KIAA1217: variants seen among roughly 807,000 people sequenced by gnomAD.
KIAA1217 encodes the protein sickle tail protein homolog.
A neutral mutation model predicts 163.9 loss-of-function variants in KIAA1217; 88 were observed. The observed-to-expected ratio is 0.54, with a 90% CI of 0.45 to 0.64. The LOEUF is 0.64. KIAA1217 is among the 30% of genes least tolerant of loss of function. The pLI, the probability that KIAA1217 is intolerant of heterozygous loss-of-function variation, is 0.00. For missense variants in KIAA1217, 2,372 were observed against 2,475.0 expected (o/e 0.96, Z 0.88); for synonymous variants, 903 against 923.1 (o/e 0.98, Z 0.39).
intron 1 of KIAA1217, among the ~76,000 whole-genome samples, chr10:23,934,071 A>G (rs1286555271): frequency 6.6e-6 from 1 of 152,180 alleles, no homozygotes; most frequent in Non-Finnish European, 1.5e-5. Context: ...TCATTCTACT[A>G]TAAAAACAGA....
chr10:23,934,853 G>A (rs766503484), intron 1 of KIAA1217, among the ~76,000 whole-genome samples: 62 of 151,276 alleles, frequency 4.1e-4, no homozygotes, highest in Non-Finnish European at 5.9e-5. Flanking sequence ...TCCTGACCTC[G>A]TGATCCGCCC....
chr10:24,078,823 C>T (rs754799375), intron 2 of KIAA1217, among the ~76,000 whole-genome samples: 6 of 152,152 alleles, frequency 3.9e-5, no homozygotes, highest in East Asian at 1.9e-4. Flanking sequence ...TTCTGTGGCC[C>T]GTCTGTTCTT....
At chr10:23,769,104 G>A (rs1564404581) in intron 1 of KIAA1217, among the ~76,000 whole-genome samples, 1 of 152,184 alleles carries the variant, frequency 6.6e-6, no homozygotes, top group Non-Finnish European at 1.5e-5. Context: ...GAGTTTTATT[G>A]TTACTCAAAT....
intron 2 of KIAA1217, among the ~76,000 whole-genome samples, chr10:24,203,562 A>C (rs1589888418): frequency 1.3e-4 from 19 of 144,110 alleles, no homozygotes; most frequent in African/African-American, 1.8e-4. Context: ...CTACCCCCCA[A>C]CCCCCACCTC....
intron 3 of KIAA1217, among the ~76,000 whole-genome samples, chr10:24,403,272 C>G (rs2056793206): frequency 6.6e-6 from 1 of 152,036 alleles, no homozygotes; most frequent in South Asian, 2.1e-4. Flanking sequence ...AAGTTTTGCT[C>G]TTGTTGCCCA....
intron 1 of KIAA1217, among the ~76,000 whole-genome samples, chr10:23,735,105 G>T (rs547138467): frequency 6.6e-6 from 1 of 152,028 alleles, no homozygotes; most frequent in East Asian, 1.9e-4. Context: ...TATTGCTATA[G>T]GTGTCTGTGT....
At chr10:24,422,583 C>A (rs2058821510) in intron 3 of KIAA1217, among the ~76,000 whole-genome samples, 1 of 152,120 alleles carries the variant, frequency 6.6e-6, no homozygotes, top group African/African-American at 2.4e-5. Context: ...GACAAGAAGA[C>A]CTATTTGGAA....
intron 2 of KIAA1217, among the ~76,000 whole-genome samples, chr10:24,293,984 G>T (rs1156310656): frequency 6.6e-6 from 1 of 152,070 alleles, no homozygotes; most frequent in Non-Finnish European, 1.5e-5. Context: ...ACGAGGTCAG[G>T]AGATGGAGAC....
At chr10:24,140,423 C>T (rs941570838) in intron 2 of KIAA1217, among the ~76,000 whole-genome samples, 9 of 150,810 alleles carry the variant, frequency 6.0e-5, no homozygotes, top group African/African-American at 2.0e-4. Flanking sequence ...TTGTCAGCAA[C>T]ACTTTTCCTG....
intron 2 of KIAA1217, among the ~76,000 whole-genome samples, chr10:24,181,255 G>C (rs975323649): frequency 6.6e-6 from 1 of 152,232 alleles, no homozygotes; most frequent in African/African-American, 2.4e-5. Flanking sequence ...AATCTGGCAA[G>C]TGCAGGTATC....
chr10:24,494,704 T>A, intron 7 of KIAA1217, 100 bp downstream of exon 7: 1 of 884,890 alleles, frequency 1.1e-6, no homozygotes, highest in Non-Finnish European at 1.7e-6. Context: ...TGTAATCATT[T>A]CAAGGCTGAA....
At chr10:24,416,801 T>C (rs996585985) in intron 3 of KIAA1217, among the ~76,000 whole-genome samples, 10 of 152,046 alleles carry the variant, frequency 6.6e-5, no homozygotes, top group African/African-American at 2.4e-4. Flanking sequence ...CGTGAGTGAT[T>C]TTCCTCAACT....
At chr10:24,251,856 T>TAA (rs34540873) in intron 2 of KIAA1217, among the ~76,000 whole-genome samples, 7 of 119,716 alleles carry the variant, frequency 5.8e-5, no homozygotes, top group East Asian at 4.9e-4. Flanking sequence ...CTGCATCTGT[T>TAA]AAAAAAAAAA....
intron 3 of KIAA1217, among the ~76,000 whole-genome samples, chr10:24,431,604 G>A (rs2059612428): frequency 6.6e-6 from 1 of 152,092 alleles, no homozygotes; most frequent in Non-Finnish European, 1.5e-5. Flanking sequence ...CGTGTGGCTG[G>A]GTTGGACTCC....
chr10:24,401,028 CAAAGATCAAAAGAA>C (rs2056469663), intron 3 of KIAA1217, among the ~76,000 whole-genome samples: 1 of 143,398 alleles, frequency 7.0e-6, no homozygotes, highest in African/African-American at 2.9e-5. Flanking sequence ...TGCAAAACAT[CAAAGATCAAAAGAA>C]AATTTTAAAA....
chr10:23,911,980 G>A (rs1318236463), intron 1 of KIAA1217, among the ~76,000 whole-genome samples: 1 of 152,120 alleles, frequency 6.6e-6, no homozygotes, highest in Non-Finnish European at 1.5e-5. Flanking sequence ...ATCAGCGTAG[G>A]AGGCAGCCAC....
At chr10:23,888,659 C>T (rs1841288650) in intron 1 of KIAA1217, among the ~76,000 whole-genome samples, 1 of 151,866 alleles carries the variant, frequency 6.6e-6, no homozygotes, top group Non-Finnish European at 1.5e-5. Flanking sequence ...AGGTTTTGCA[C>T]TTTTGGCACC....
intron 2 of KIAA1217, among the ~76,000 whole-genome samples, chr10:24,373,418 T>C (rs1263605621): frequency 2.0e-5 from 3 of 152,058 alleles, no homozygotes; most frequent in Non-Finnish European, 4.4e-5. Flanking sequence ...CTAACCCCAA[T>C]TTAGGGAGAG....
chr10:23,970,901 G>C (rs1033414949), intron 1 of KIAA1217, among the ~76,000 whole-genome samples: 1 of 152,184 alleles, frequency 6.6e-6, no homozygotes, highest in African/African-American at 2.4e-5. Flanking sequence ...ATTCAACTGA[G>C]GGGGGGATAA....
Sources: gnomAD v4.1 joint callset for allele counts (sites outside exome capture counted in the v4.1 genomes callset) on GRCh38, gnomAD v4.1.1 for gene constraint, MANE v1.5 for transcripts, NCBI Gene and HGNC (gene_info 2026-07-23, HGNC 2026-07-21) for gene names.